THNSL2: variants seen among roughly 807,000 people sequenced by gnomAD.
THNSL2 encodes the protein threonine synthase like 2, also known as threonine synthase-like 2.
THNSL2 carries 34 observed loss-of-function variants against 40.0 expected under a neutral mutation model. That is an observed-to-expected ratio of 0.85 (90% CI 0.65 to 1.13). THNSL2 has a LOEUF of 1.13. THNSL2 is among the 50% of genes most tolerant of loss of function. The pLI is 0.00. For synonymous variants in THNSL2, 241 were observed against 247.5 expected (o/e 0.97, Z 0.25); for missense variants, 537 against 608.8 (o/e 0.88, Z 1.24).
At chr2:88,185,265 G>A (rs1678146230) in intron 7 of THNSL2, 63 bp from the exon 8 acceptor site, 2 of 1,496,394 alleles carry the variant, frequency 1.3e-6, no homozygotes, top group East Asian at 2.4e-5. Context: ...GGAGAGTGGG[G>A]TTTTGTCATC....
intron 5 of THNSL2, 107 bp downstream of exon 5, chr2:88,179,120 C>G (rs1467398583): frequency 8.6e-7 from 1 of 1,159,542 alleles, no homozygotes; most frequent in Non-Finnish European, 1.3e-6. Flanking sequence ...AGGTGGAGTC[C>G]CAGTTCTGAA....
At position 88,178,952 on chromosome 2, in the gene THNSL2, C is replaced by T. The variant is rs149200089; in HGVS notation, c.741C>T (p.Asp247=). 3.8e-5 allele frequency: 61 copies of T among 1,614,118 alleles called. 1 individual carries two copies. The Middle Eastern group carries it at 6.6e-4, about 17-fold the overall frequency. The change falls in exon 5 of 9, where the codon GAC becomes GAT. Residue 247 remains aspartate, a synonymous_variant. Transcript: ENST00000674334. The stretch of plus-strand genomic sequence containing the variant: ...ACTTCCAGTGTACGCCATCCTTGGA[C>T]ACACATCCCCTACCCCTGGTGGAGG... ...FAYFQCTPSL[D]THPLPLVEVV...
intron 5 of THNSL2, among the ~76,000 whole-genome samples, chr2:88,181,556 C>G (rs1285945989): frequency 3.0e-5 from 4 of 134,238 alleles, no homozygotes; most frequent in Non-Finnish European, 6.3e-5. Flanking sequence ...TCTCCCCTCT[C>G]TCTCCTCTCT....
intron 2 of THNSL2, among the ~76,000 whole-genome samples, chr2:88,173,633 A>AC (rs1294578545): frequency 1.3e-5 from 2 of 151,976 alleles, no homozygotes; most frequent in Admixed American, 6.6e-5. Context: ...TTTAAAAAAA[A>AC]AAAAACAAAA....
chr2:88,171,718 T>G (rs1479489045), intron 1 of THNSL2: 1 of 171,232 alleles, frequency 5.8e-6, no homozygotes, highest in Non-Finnish European at 1.3e-5. Flanking sequence ...GCTTATCCAC[T>G]GCAGTTAACT....
chr2:88,180,403 C>G (rs1677408454), intron 5 of THNSL2, among the ~76,000 whole-genome samples: 1 of 152,148 alleles, frequency 6.6e-6, no homozygotes. Context: ...GAAACCCTGT[C>G]TCTACTAAAA....
At position 88,173,180 on chromosome 2, in the gene THNSL2, C is replaced by T. The variant is rs774238288; in HGVS notation, c.30C>T (p.Ala10=). 17 of 1,595,180 alleles carry T rather than the reference C, an allele frequency of 1.1e-5. No individual in the cohort carries two copies. In the East Asian group the frequency reaches 3.6e-4, roughly 34 times the overall value. MWYVSTRGV[A]PRVNFEGALF... ...GGTATGTCAGCACCAGGGGCGTAGC[C>T]CCACGGGTCAACTTTGAGGGGGCCC... Residue 10 remains alanine (A), a synonymous_variant, in exon 2 of 9, where the codon GCC becomes GCT. Coordinates refer to ENST00000674334, the MANE Select transcript of THNSL2 (RefSeq NM_018271.5).
At position 88,182,965 on chromosome 2, in the gene THNSL2, G is replaced by T; in HGVS notation, c.969G>T (p.Glu323Asp). 1 of 1,614,170 alleles carries T rather than the reference G, an allele frequency of 6.2e-7. No homozygotes were observed. The highest frequency in any genetic ancestry group is 8.5e-7 in the Non-Finnish European group (1 of 1,180,036). ...AMDIQVPYNM[E>D]RVFWLLSGSD... ...CTGCTCAGGTGCCCTACAACATGGA[G>T]AGGGTGTTCTGGCTGCTCTCTGGCT... The change falls in exon 7 of 9, where the codon GAG becomes GAT. Residue 323 changes from glutamate to aspartate, a missense_variant. By Grantham distance (45) the Glu-to-Asp change is conservative. Coordinates refer to ENST00000674334, the MANE Select transcript of THNSL2 (RefSeq NM_018271.5).
At chr2:88,182,881 G>C (rs752766721) in intron 6 of THNSL2, 34 bp downstream of exon 6, 2 of 1,612,284 alleles carry the variant, frequency 1.2e-6, no homozygotes, top group Non-Finnish European at 1.7e-6. Flanking sequence ...ATCTGGCCCA[G>C]GTGTTGGTTG....
In THNSL2 at chr2:88,185,909, G is replaced by A; in HGVS notation, c.1241G>A (p.Cys414Tyr). 6.2e-7 allele frequency: 1 copy of A among 1,604,232 alleles called. No homozygotes were observed. Among genetic ancestry groups the A allele is most frequent in the Non-Finnish European group, 8.5e-7 (1 of 1,176,022 alleles). The stretch of plus-strand genomic sequence containing the variant: ...CCCCATCCCCACAGCACTCCCCGGT[G>A]CTGCCTCGCCCCTGCCTCTGCAGCC... ...IDRQQPSTPR[C>Y]CLAPASAAKF... Residue 414 changes from cysteine to tyrosine, a missense_variant, in exon 9 of 9, where the codon TGC becomes TAC. Transcript: ENST00000674334.
intron 5 of THNSL2, 64 bp from the exon 6 acceptor site, chr2:88,182,635 T>G (rs1439955483): frequency 6.9e-7 from 1 of 1,447,344 alleles, no homozygotes; most frequent in East Asian, 2.3e-5. Flanking sequence ...TGAAGCCCAA[T>G]TTACTTTTTT....
chr2:88,173,044 T>C, intron 1 of THNSL2, 95 bp from the exon 2 acceptor site: 1 of 778,282 alleles, frequency 1.3e-6, no homozygotes, highest in South Asian at 2.4e-5. Context: ...ACTGGTGGTC[T>C]AGAGGCTAAC....
At chr2:88,185,285 A>C in intron 7 of THNSL2, 43 bp from the exon 8 acceptor site, 2 of 1,576,056 alleles carry the variant, frequency 1.3e-6, no homozygotes, top group Non-Finnish European at 1.7e-6. Context: ...CTTTCCCTAC[A>C]TCCCCCCCCC....
At chr2:88,175,630 T>A in intron 4 of THNSL2, 1 of 512,040 alleles carries the variant, frequency 2.0e-6, no homozygotes, top group South Asian at 3.2e-5. Flanking sequence ...CAGTACAACA[T>A]GCTAAGTATG....
chr2:88,183,070 C>A lies in THNSL2; in HGVS notation c.1074C>A (p.Ser358Arg). 1 of 1,612,326 alleles carries A rather than the reference C, an allele frequency of 6.2e-7. No homozygotes were observed. The highest frequency in any genetic ancestry group is 8.5e-7 in the Non-Finnish European group (1 of 1,179,610). ...QSVNLPKELH[S>R]KLSEAVTSVS... ...TGAATCTGCCCAAGGAACTGCACAG[C>A]AAGGTCAGTCACTACCCACACACCA... Residue 358 changes from serine (S) to arginine (R), a missense_variant, in exon 7 of 9, where the codon AGC becomes AGA. Physicochemically the swap from Ser to Arg is moderately radical, Grantham distance 110 (BLOSUM62 -1). Transcript: ENST00000674334.
intron 4 of THNSL2, 43 bp downstream of exon 4, chr2:88,175,444 C>G: frequency 6.3e-7 from 1 of 1,599,138 alleles, no homozygotes; most frequent in Middle Eastern, 1.9e-4. Flanking sequence ...GCAGCCCTGC[C>G]TTAATTGGGT....
Position 88,182,823 on chromosome 2 carries a change from C to T in THNSL2, c.927C>T (p.Thr309=), listed in dbSNP as rs1573206330. 6.2e-7 allele frequency: 1 copy of T among 1,614,140 alleles called. No individual in the cohort carries two copies. The highest frequency in any genetic ancestry group is 8.5e-7 in the Non-Finnish European group (1 of 1,180,038). ...CTCTCTCTGAGGCTGTTAAATCAAC[C>T]TTGGCATCAGCTATGGACATTCAGG... is the stretch of plus-strand genomic sequence containing the variant. The part of the protein sequence containing the change: ...DFSLSEAVKS[T]LASAMDIQVP... The change falls in exon 6 of 9, where the codon ACC becomes ACT. Residue 309 remains threonine, a synonymous_variant. Transcript: ENST00000674334.
intron 7 of THNSL2, among the ~76,000 whole-genome samples, chr2:88,184,509 A>G (rs1457477387): frequency 3.3e-5 from 5 of 152,134 alleles, no homozygotes; most frequent in African/African-American, 1.2e-4. Context: ...TCACGCCTCT[A>G]ATCCCAGAAC....
intron 2 of THNSL2, among the ~76,000 whole-genome samples, chr2:88,174,091 T>C (rs1248167459): frequency 6.6e-6 from 1 of 152,196 alleles, no homozygotes; most frequent in Non-Finnish European, 1.5e-5. Context: ...CTCAGACTGA[T>C]TGAACCAGCC....
Sources: gnomAD v4.1 joint callset for allele counts (sites outside exome capture counted in the v4.1 genomes callset) on GRCh38, gnomAD v4.1.1 for gene constraint, MANE v1.5 for transcripts, NCBI Gene and HGNC (gene_info 2026-07-23, HGNC 2026-07-21) for gene names.